Variants in ERG observed in about 807,000 individuals in gnomAD.
ERG encodes transcriptional regulator ERG.
In ERG, 9 loss-of-function variants were observed where a neutral mutation model predicts 55.3. The observed-to-expected ratio is 0.16, with a 90% CI of 0.10 to 0.28. The LOEUF (loss-of-function observed/expected upper bound fraction) is 0.28, where lower values mean the gene tolerates loss of function less well. Ranked by LOEUF, ERG falls within the 10% of genes least tolerant of loss-of-function variation. ERG has a pLI of 1.00. For synonymous variants in ERG, 223 were observed against 237.3 expected (o/e 0.94, Z 0.55); for missense variants, 434 against 631.6 (o/e 0.69, Z 3.35).
intron 2 of ERG, among the ~76,000 whole-genome samples, chr21:38,518,847 C>T (rs1467290168): frequency 1.3e-5 from 2 of 152,056 alleles, no homozygotes; most frequent in African/African-American, 4.8e-5. Flanking sequence ...TTAAGAGAAT[C>T]AAAAGGCAAT....
intron 1 of ERG, among the ~76,000 whole-genome samples, chr21:38,621,884 T>C (rs1450757836): frequency 6.6e-6 from 1 of 152,168 alleles, no homozygotes; most frequent in East Asian, 1.9e-4. Flanking sequence ...AATGAAAACC[T>C]GCTCCGAAGA....
chr21:38,415,764 G>A (rs1989250895), intron 3 of ERG, among the ~76,000 whole-genome samples: 1 of 151,982 alleles, frequency 6.6e-6, no homozygotes, highest in African/African-American at 2.4e-5. Flanking sequence ...ACTGAACTTA[G>A]ACCACCAAGA....
At chr21:38,486,521 C>A (rs1359929248) in intron 1 of ERG, among the ~76,000 whole-genome samples, 2 of 152,036 alleles carry the variant, frequency 1.3e-5, no homozygotes, top group Non-Finnish European at 2.9e-5. Context: ...ACTTTCACCC[C>A]TTTAGAAGAA....
At chr21:38,580,827 T>C (rs1422502473) in intron 1 of ERG, among the ~76,000 whole-genome samples, 3 of 152,148 alleles carry the variant, frequency 2.0e-5, no homozygotes, top group African/African-American at 7.2e-5. Context: ...GGAGGCAGTA[T>C]TGCAAAATGG....
intron 1 of ERG, among the ~76,000 whole-genome samples, chr21:38,653,914 A>G (rs887405592): frequency 6.6e-6 from 1 of 152,244 alleles, no homozygotes; most frequent in Non-Finnish European, 1.5e-5. Context: ...TTGCAAAGAA[A>G]AAGTTTATAT....
intron 2 of ERG, among the ~76,000 whole-genome samples, chr21:38,442,272 T>G (rs2146547923): frequency 6.6e-6 from 1 of 152,218 alleles, no homozygotes; most frequent in Admixed American, 6.5e-5. Context: ...CGGATGCCTG[T>G]AATCCCAGCT....
At chr21:38,550,104 C>G (rs544522680) in intron 2 of ERG, among the ~76,000 whole-genome samples, 5 of 152,134 alleles carry the variant, frequency 3.3e-5, no homozygotes, top group Non-Finnish European at 5.9e-5. Flanking sequence ...GTTCTACGCC[C>G]GGTGGTGGGG....
chr21:38,657,891 C>T (rs184325901), intron 1 of ERG, among the ~76,000 whole-genome samples: 5 of 152,218 alleles, frequency 3.3e-5, no homozygotes, highest in East Asian at 3.9e-4. Context: ...CCCCAAATAC[C>T]GCAGTGATTT....
intron 2 of ERG, among the ~76,000 whole-genome samples, chr21:38,436,106 G>A (rs1257960478): frequency 4.2e-5 from 6 of 143,684 alleles, no homozygotes; most frequent in Admixed American, 7.4e-5. Flanking sequence ...TGCAACCTCC[G>A]CCCCCACTGG....
intron 1 of ERG, among the ~76,000 whole-genome samples, chr21:38,644,579 G>A (rs1196612916): frequency 6.6e-6 from 1 of 152,164 alleles, no homozygotes; most frequent in Non-Finnish European, 1.5e-5. Context: ...TGGTATGACA[G>A]GGGTCTTCCC....
chr21:38,414,178 G>A (rs1989181532), intron 3 of ERG, among the ~76,000 whole-genome samples: 1 of 152,152 alleles, frequency 6.6e-6, no homozygotes, highest in South Asian at 2.1e-4. Context: ...AGTTGCATCA[G>A]TCCAACCTCT....
At chr21:38,578,529 C>A (rs796643755) in intron 1 of ERG, among the ~76,000 whole-genome samples, 17 of 152,264 alleles carry the variant, frequency 1.1e-4, no homozygotes, top group African/African-American at 4.1e-4. Context: ...TATGACAGAT[C>A]CTAGCTGAAG....
intron 2 of ERG, among the ~76,000 whole-genome samples, chr21:38,543,967 T>A (rs1198431942): frequency 6.6e-6 from 1 of 152,152 alleles, no homozygotes; most frequent in Non-Finnish European, 1.5e-5. Context: ...CTCAAACTTC[T>A]GACCTCAAGT....
At chr21:38,647,495 A>G (rs1004444875) in intron 1 of ERG, among the ~76,000 whole-genome samples, 1 of 152,236 alleles carries the variant, frequency 6.6e-6, no homozygotes, top group African/African-American at 2.4e-5. Flanking sequence ...CTAAAACAGT[A>G]TATCTGTGGT....
chr21:38,659,108 G>C (rs971341121), intron 1 of ERG, among the ~76,000 whole-genome samples: 2 of 152,166 alleles, frequency 1.3e-5, no homozygotes, highest in Non-Finnish European at 2.9e-5. Context: ...CAAATATCTT[G>C]AGACGGATTA....
At chr21:38,633,465 T>G (rs2060369277) in intron 1 of ERG, among the ~76,000 whole-genome samples, 1 of 152,214 alleles carries the variant, frequency 6.6e-6, no homozygotes, top group African/African-American at 2.4e-5. Flanking sequence ...AGTTCATGTG[T>G]GTAAAGCATA....
chr21:38,588,988 C>T (rs2060083901), upstream of ERG, among the ~76,000 whole-genome samples: 1 of 152,140 alleles, frequency 6.6e-6, no homozygotes, highest in Non-Finnish European at 1.5e-5. Context: ...CTCTCAGCCT[C>T]CCAAAGTGCT....
upstream of ERG, among the ~76,000 whole-genome samples, chr21:38,586,758 T>A (rs763188450): frequency 2.6e-5 from 4 of 152,236 alleles, no homozygotes; most frequent in Admixed American, 6.5e-5. Context: ...AAATACTACA[T>A]GATTGCTGGC....
At chr21:38,433,615 C>T (rs960825802) in intron 2 of ERG, among the ~76,000 whole-genome samples, 15 of 152,180 alleles carry the variant, frequency 9.9e-5, no homozygotes, top group Admixed American at 8.5e-4. Flanking sequence ...ATGGCACAGC[C>T]GTGGCCATTA....
Sources: allele counts gnomAD v4.1 joint callset (sites outside exome capture counted in the v4.1 genomes callset), GRCh38; gene constraint gnomAD v4.1.1; transcripts MANE v1.5; gene names NCBI Gene and HGNC (gene_info 2026-07-23, HGNC 2026-07-21).